Variants in BRINP3 observed in about 807,000 individuals in gnomAD.
BRINP3 encodes the protein BMP/retinoic acid-inducible neural-specific protein 3.
In BRINP3, 19 loss-of-function variants were observed where a neutral mutation model predicts 71.0. That is an observed-to-expected ratio of 0.27 (90% CI 0.19 to 0.39). BRINP3 has a LOEUF of 0.39. Among genes scored for constraint, BRINP3 ranks in the 10% least tolerant of loss-of-function variants. The pLI, the probability that BRINP3 is intolerant of heterozygous loss-of-function variation, is 1.00. For synonymous variants in BRINP3, 380 were observed against 337.7 expected, an observed-to-expected ratio of 1.13 and a Z score of -1.37; for missense variants, 959 against 940.8, an observed-to-expected ratio of 1.02 and a Z score of -0.25.
At chr1:190,450,370 C>T (rs906714453) in intron 2 of BRINP3, among the ~76,000 whole-genome samples, 2 of 152,112 alleles carry the variant, frequency 1.3e-5, no homozygotes, top group Non-Finnish European at 2.9e-5. Context: ...TACTTCAATG[C>T]CTCTCATATT....
At chr1:190,295,072 C>A (rs1416472798) in intron 2 of BRINP3, among the ~76,000 whole-genome samples, 3 of 151,996 alleles carry the variant, frequency 2.0e-5, no homozygotes, top group Non-Finnish European at 4.4e-5. Flanking sequence ...TGAATTGCAC[C>A]CAAAGCCTCT....
intron 2 of BRINP3, among the ~76,000 whole-genome samples, chr1:190,415,498 C>T (rs1672952793): frequency 6.6e-6 from 1 of 152,054 alleles, no homozygotes; most frequent in Non-Finnish European, 1.5e-5. Context: ...TAAACAAACA[C>T]ATCAGGGAAC....
intron 2 of BRINP3, among the ~76,000 whole-genome samples, chr1:190,303,910 A>ACAAT (rs1181284255): frequency 6.6e-6 from 1 of 151,814 alleles, no homozygotes; most frequent in Non-Finnish European, 1.5e-5. Context: ...AAAAAATTTA[A>ACAAT]CAATCAACAT....
At chr1:190,431,381 C>T (rs183179817) in intron 2 of BRINP3, among the ~76,000 whole-genome samples, 15 of 152,040 alleles carry the variant, frequency 9.9e-5, no homozygotes, top group East Asian at 3.9e-4. Flanking sequence ...TATTTTTAGA[C>T]GGCGACTCTC....
chr1:190,177,911 T>C (rs1009338960), intron 6 of BRINP3, among the ~76,000 whole-genome samples: 9 of 152,174 alleles, frequency 5.9e-5, no homozygotes, highest in African/African-American at 2.2e-4. Context: ...ATGTACAAAC[T>C]TTTTTCTTGT....
At chr1:190,354,588 A>G (rs1668609085) in intron 2 of BRINP3, among the ~76,000 whole-genome samples, 1 of 151,988 alleles carries the variant, frequency 6.6e-6, no homozygotes, top group Non-Finnish European at 1.5e-5. Flanking sequence ...AAATTAATTT[A>G]CCACAGCTCA....
intron 1 of BRINP3, among the ~76,000 whole-genome samples, chr1:190,476,658 T>C (rs1246986186): frequency 1.3e-5 from 2 of 152,126 alleles, no homozygotes; most frequent in African/African-American, 4.8e-5. Flanking sequence ...TCATGTAAAG[T>C]CTATTCTTGA....
chr1:190,441,553 TTATTATTC>T (rs1674820927), intron 2 of BRINP3, among the ~76,000 whole-genome samples: 1 of 152,058 alleles, frequency 6.6e-6, no homozygotes, highest in Non-Finnish European at 1.5e-5. Context: ...ATATTTTTTA[TTATTATTC>T]TGCTAAGATA....
At chr1:190,383,375 A>G (rs1298787695) in intron 2 of BRINP3, among the ~76,000 whole-genome samples, 1 of 152,096 alleles carries the variant, frequency 6.6e-6, no homozygotes, top group Non-Finnish European at 1.5e-5. Flanking sequence ...TGACATTGTA[A>G]CAATACATTT....
At chr1:190,362,661 G>C (rs1337437240) in intron 2 of BRINP3, among the ~76,000 whole-genome samples, 1 of 152,124 alleles carries the variant, frequency 6.6e-6, no homozygotes, top group Non-Finnish European at 1.5e-5. Flanking sequence ...TTAAGTCATG[G>C]AGGTTGATTC....
chr1:190,142,847 C>T (rs1423382741), intron 7 of BRINP3, among the ~76,000 whole-genome samples: 1 of 151,696 alleles, frequency 6.6e-6, no homozygotes, highest in African/African-American at 2.4e-5. Flanking sequence ...AAAAAGTTGG[C>T]CTTTCTGGAC....
chr1:190,098,995 T>C lies in BRINP3; in HGVS notation c.1324A>G (p.Thr442Ala). ...AGGCAGGCAGAGGCGTCTCCCACTG[T>C]GCAGGGCAGGAACGCGGTGCAGACC... ...QVVCTAFLPCTVGDASACLTC... is the reference protein window; with the variant it reads ...QVVCTAFLPCAVGDASACLTC... Residue 442 changes from threonine (T) to alanine (A), a missense_variant, in exon 8 of 8, where the codon ACA becomes GCA. Transcript: ENST00000367462. 3.1e-6 allele frequency: 5 copies of C among 1,614,166 alleles called. No individual in the cohort carries two copies. Among genetic ancestry groups the C allele is most frequent in the Non-Finnish European group, 2.5e-6 (3 of 1,180,024 alleles).
intron 6 of BRINP3, among the ~76,000 whole-genome samples, chr1:190,165,964 G>C (rs758671847): frequency 4.6e-5 from 7 of 152,084 alleles, no homozygotes; most frequent in African/African-American, 7.2e-5. Context: ...TAGTAGAACT[G>C]GTAGATTTTT....
intron 2 of BRINP3, among the ~76,000 whole-genome samples, chr1:190,365,958 TG>T (rs1256467636): frequency 1.3e-5 from 2 of 151,520 alleles, no homozygotes; most frequent in African/African-American, 4.8e-5. Flanking sequence ...AGAGAAATAA[TG>T]GCTTTCCAAA....
intron 2 of BRINP3, among the ~76,000 whole-genome samples, chr1:190,334,401 G>A (rs935252207): frequency 6.6e-6 from 1 of 151,620 alleles, no homozygotes; most frequent in African/African-American, 2.4e-5. Flanking sequence ...TTTTAAAATG[G>A]AAAAATCAAC....
intron 6 of BRINP3, among the ~76,000 whole-genome samples, chr1:190,187,098 T>C (rs916791649): frequency 2.6e-5 from 4 of 152,274 alleles, no homozygotes; most frequent in Non-Finnish European, 4.4e-5. Flanking sequence ...TACTATTATA[T>C]ATGTATTTGG....
intron 7 of BRINP3, among the ~76,000 whole-genome samples, chr1:190,111,880 G>A (rs1337526765): frequency 6.6e-6 from 1 of 152,122 alleles, no homozygotes; most frequent in Non-Finnish European, 1.5e-5. Flanking sequence ...GAGGACTGGA[G>A]GAGTGTTCCA....
chr1:190,108,570 TG>T (rs1361622968), intron 7 of BRINP3, among the ~76,000 whole-genome samples: 1 of 150,342 alleles, frequency 6.7e-6, no homozygotes, highest in East Asian at 1.9e-4. Flanking sequence ...AAAATCAGAA[TG>T]TATAAAATGA....
rs149220500 is a variant in BRINP3 at position 190,284,852 on chromosome 1, T to G, written c.237-3102A>C. ...AATAATTATAGTTATTGTTAATAAC[T>G]AAAGAAAAATATTTTCTTAATTTCA... On this transcript the variant is annotated intron_variant, in intron 2 of 7. Transcript: ENST00000367462. 7.2e-4 allele frequency among the ~76,000 whole-genome samples: 110 copies of G among 152,128 alleles called. 1 individual carries two copies. In the East Asian group the frequency reaches 0.02, roughly 28 times the overall value.
Sources: allele counts gnomAD v4.1 joint callset (sites outside exome capture counted in the v4.1 genomes callset), GRCh38; gene constraint gnomAD v4.1.1; transcripts MANE v1.5; gene names NCBI Gene and HGNC (gene_info 2026-07-23, HGNC 2026-07-21).